TAFA1: variants seen among roughly 807,000 people sequenced by gnomAD.
The protein encoded by TAFA1 is chemokine-like protein TAFA-1.
In TAFA1, 4 loss-of-function variants were observed where a neutral mutation model predicts 18.5. The observed-to-expected ratio is 0.22, with a 90% CI of 0.11 to 0.49. TAFA1 has a LOEUF of 0.49. Among genes scored for constraint, TAFA1 ranks in the 20% least tolerant of loss-of-function variants. The pLI is 0.98. For synonymous variants in TAFA1, 56 were observed against 55.2 expected, an observed-to-expected ratio of 1.01 and a Z score of -0.06; for missense variants, 147 against 169.0, an observed-to-expected ratio of 0.87 and a Z score of 0.72.
the TAFA1 span, among the ~76,000 whole-genome samples, chr3:67,996,678 A>G: frequency 6.6e-6 from 1 of 152,104 alleles, no homozygotes; most frequent in African/African-American, 2.4e-5. Context: ...CTGTGCCTAT[A>G]ATCCCAGCTA....
rs190455055 is a variant in TAFA1 at position 68,256,292 on chromosome 3, G to A, written c.119-160988G>A. Among the ~76,000 whole-genome samples the A allele has an allele frequency of 7.2e-5, 11 of 152,160 alleles. 1 individual carries two copies. Among genetic ancestry groups the A allele is most frequent in the Non-Finnish European group, 1.3e-4 (9 of 67,982 alleles). On this transcript the variant is annotated intron_variant, in intron 2 of 4. Transcript: ENST00000478136. ...AAAAAGTCTTCCTTTAGCCACAGGGGAAATGCTGCTTTTTCAATACGAGGA... is the reference window on the plus strand; with the variant it reads ...AAAAAGTCTTCCTTTAGCCACAGGGAAAATGCTGCTTTTTCAATACGAGGA...
intron 2 of TAFA1, among the ~76,000 whole-genome samples, chr3:68,243,120 G>A (rs1337907755): frequency 1.3e-5 from 2 of 151,852 alleles, no homozygotes. Flanking sequence ...CACCTAGGCT[G>A]TAATAATCTC....
At chr3:68,391,855 G>A (rs919701437) in intron 2 of TAFA1, among the ~76,000 whole-genome samples, 8 of 152,108 alleles carry the variant, frequency 5.3e-5, no homozygotes, top group African/African-American at 9.7e-5. Context: ...GAGCTCCTGA[G>A]GAAGCACTAA....
intron 2 of TAFA1, among the ~76,000 whole-genome samples, chr3:68,104,244 G>T (rs1162844703): frequency 2.6e-5 from 4 of 152,016 alleles, no homozygotes; most frequent in African/African-American, 9.7e-5. Flanking sequence ...AACTACTAGG[G>T]TGATGAACTT....
chr3:68,164,986 C>T (rs985159344), intron 2 of TAFA1, among the ~76,000 whole-genome samples: 30 of 152,160 alleles, frequency 2.0e-4, no homozygotes, highest in African/African-American at 7.0e-4. Context: ...GAATCCTCTT[C>T]CTTCTATGTT....
intron 3 of TAFA1, among the ~76,000 whole-genome samples, chr3:68,469,007 A>G (rs962297045): frequency 1.3e-5 from 2 of 152,182 alleles, no homozygotes; most frequent in African/African-American, 4.8e-5. Flanking sequence ...AGAAAAAGAA[A>G]TGAGTAATAC....
intron 3 of TAFA1, among the ~76,000 whole-genome samples, chr3:68,441,960 A>G (rs926360599): frequency 2.6e-5 from 4 of 152,102 alleles, no homozygotes; most frequent in Non-Finnish European, 5.9e-5. Context: ...GGAAGGATAA[A>G]TGGCCAGATG....
At chr3:68,456,701 A>G (rs1575883691) in intron 3 of TAFA1, among the ~76,000 whole-genome samples, 1 of 152,170 alleles carries the variant, frequency 6.6e-6, no homozygotes, top group Non-Finnish European at 1.5e-5. Flanking sequence ...GCTTCATTTC[A>G]ATATGATATG....
chr3:68,083,844 C>T (rs2064937978), intron 2 of TAFA1, among the ~76,000 whole-genome samples: 1 of 152,052 alleles, frequency 6.6e-6, no homozygotes, highest in Non-Finnish European at 1.5e-5. Flanking sequence ...CATGCTTCTT[C>T]ATAAGTGCAG....
chr3:68,497,693 C>T (rs1299643931), intron 3 of TAFA1, among the ~76,000 whole-genome samples: 2 of 152,252 alleles, frequency 1.3e-5, no homozygotes, highest in East Asian at 1.9e-4. Flanking sequence ...CACAAAGGAC[C>T]TTCCACAATC....
intron 2 of TAFA1, among the ~76,000 whole-genome samples, chr3:68,110,073 C>T (rs1239111517): frequency 2.6e-5 from 4 of 152,106 alleles, no homozygotes; most frequent in African/African-American, 2.4e-5. Flanking sequence ...CAGATCCACC[C>T]ATCACCTTGT....
chr3:68,544,397 A>C (rs985624417), intron 4 of TAFA1, 89 bp from the exon 5 acceptor site: 3 of 1,318,030 alleles, frequency 2.3e-6, no homozygotes, highest in Non-Finnish European at 3.2e-6. Context: ...TAAAGATTCA[A>C]GGTGTCCTCC....
At chr3:68,148,018 A>C (rs765034591) in intron 2 of TAFA1, among the ~76,000 whole-genome samples, 2 of 152,254 alleles carry the variant, frequency 1.3e-5, no homozygotes, top group African/African-American at 2.4e-5. Flanking sequence ...GAGAAAAAGC[A>C]GGACTCTGCT....
chr3:68,379,411 A>C (rs558933317), intron 2 of TAFA1, among the ~76,000 whole-genome samples: 1 of 152,336 alleles, frequency 6.6e-6, no homozygotes, highest in East Asian at 1.9e-4. Context: ...TCAGATGCAC[A>C]GTTTGCAAAT....
chr3:68,077,237 A>T (rs1485033453), intron 2 of TAFA1, among the ~76,000 whole-genome samples: 61 of 141,946 alleles, frequency 4.3e-4, no homozygotes, highest in African/African-American at 1.6e-3. Context: ...GGTTGCAAAA[A>T]TTTTCTCCCA....
At chr3:68,051,492 G>A (rs2064471010) in intron 2 of TAFA1, among the ~76,000 whole-genome samples, 1 of 152,112 alleles carries the variant, frequency 6.6e-6, no homozygotes, top group African/African-American at 2.4e-5. Context: ...CCTAACTAGG[G>A]AAGAGTGGGC....
rs545602884 is a variant in TAFA1 at position 68,424,039 on chromosome 3, C to T, written c.259+6619C>T. On this transcript the variant is annotated intron_variant, in intron 3 of 4. Coordinates refer to ENST00000478136, the MANE Select transcript of TAFA1 (RefSeq NM_213609.4). ...GGTTACATCAGAAAACTTTCTTTCA[C>T]GGCAGTGAAAACCCAAGTTTAAAAC... Among the ~76,000 whole-genome samples the T allele has an allele frequency of 1.7e-3, 256 of 152,032 alleles. 2 individuals are homozygous for T. The highest frequency in any genetic ancestry group is 2.8e-3 in the Non-Finnish European group (193 of 67,934).
intron 4 of TAFA1, among the ~76,000 whole-genome samples, chr3:68,542,790 A>G (rs1050704505): frequency 6.6e-6 from 1 of 152,158 alleles, no homozygotes; most frequent in Admixed American, 6.5e-5. Flanking sequence ...GGTCTTTGAC[A>G]GCCTTTCACC....
chr3:68,399,677 TTGAG>T (rs370733294), intron 2 of TAFA1, among the ~76,000 whole-genome samples: 170 of 152,336 alleles, frequency 1.1e-3, no homozygotes, highest in African/African-American at 3.8e-3. Context: ...ACTACCCACT[TTGAG>T]TGGTTACTGT....
Sources: gnomAD v4.1 joint callset for allele counts (sites outside exome capture counted in the v4.1 genomes callset) on GRCh38, gnomAD v4.1.1 for gene constraint, MANE v1.5 for transcripts, NCBI Gene and HGNC (gene_info 2026-07-23, HGNC 2026-07-21) for gene names.